Variants in NEB observed in about 807,000 individuals in gnomAD.
The protein encoded by NEB is nebulin.
NEB carries 512 observed loss-of-function variants against 952.2 expected under a neutral mutation model. The ratio of observed to expected loss-of-function variants is 0.54; its 90% confidence interval spans 0.50 to 0.58. The LOEUF is 0.58. NEB is among the 20% of genes least tolerant of loss of function. The pLI, the probability that NEB is intolerant of heterozygous loss-of-function variation, is 0.00. For synonymous variants in NEB, 2,900 were observed against 3,149.8 expected (o/e 0.92, Z 2.66); for missense variants, 8,428 against 9,231.1 (o/e 0.91, Z 3.56).
chr2:151,492,573 A>C, intron 176 of NEB, 79 bp from the exon 177 acceptor site: 1 of 1,096,608 alleles, frequency 9.1e-7, no homozygotes. Flanking sequence ...ATAGAGATGG[A>C]TAGGAGCTGG....
rs375164626 is a variant in NEB, at chr2:151,650,298, G to C, written c.7309C>G (p.Arg2437Gly). Residue 2437 changes from arginine (R) to glycine (G), a missense_variant, in exon 54 of 182, where the codon CGG (arginine) becomes GGG (glycine). Physicochemically the swap from Arg to Gly is moderately radical, Grantham distance 125 (BLOSUM62 -2). Around this residue, in one of 11 missense-constraint regions of NEB, gnomAD observed 1,772 missense variants for 1,960.3 expected, o/e 0.90. Coordinates refer to ENST00000397345, the MANE Select transcript of NEB (RefSeq NM_001164508.2). ...TTCTCACTGATGATTTCCGAAGCCC[G>C]CTTGTTCTTTTCTGCCTCTAAAGAA... ...LGSLEAEKNK[R>G]ASEIISEKKY... The C allele has an allele frequency of 1.9e-6, 3 of 1,613,680 alleles. No homozygotes were observed. In the African/African-American group the frequency reaches 4.0e-5, roughly 22 times the overall value.
chr2:151,492,612 C>T (rs1344411338), intron 176 of NEB, 118 bp from the exon 177 acceptor site: 28 of 619,488 alleles, frequency 4.5e-5, no homozygotes, highest in Non-Finnish European at 6.8e-5. Context: ...ACTGAAGGGG[C>T]CCAGTGAGAC....
chr2:151,578,635 AAGGGAAGG>A (rs981886362), intron 105 of NEB, among the ~76,000 whole-genome samples: 51 of 149,922 alleles, frequency 3.4e-4, no homozygotes, highest in Admixed American at 2.2e-3. Context: ...GCCACAGGGC[AAGGGAAGG>A]AGGGAAGGAG....
intron 46 of NEB, among the ~76,000 whole-genome samples, chr2:151,661,055 C>T (rs902609724): frequency 1.3e-5 from 2 of 151,788 alleles, no homozygotes; most frequent in African/African-American, 4.8e-5. Context: ...TAGTCCAGAC[C>T]CTGCTGTTGA....
intron 60 of NEB, 31 bp from the exon 61 acceptor site, chr2:151,640,697 G>A (rs770826114): frequency 1.3e-6 from 2 of 1,574,390 alleles, no homozygotes; most frequent in Non-Finnish European, 1.7e-6. Context: ...ATAGTCATCT[G>A]TTTTAACTTT....
At chr2:151,609,757 G>A in intron 81 of NEB, 52 bp downstream of exon 81, 1 of 1,517,496 alleles carries the variant, frequency 6.6e-7, no homozygotes, top group South Asian at 1.3e-5. Context: ...ACTGGGCAAT[G>A]AACAAATCTA....
At chr2:151,486,038 T>C in intron 181 of NEB, 105 bp from the exon 182 acceptor site, 1 of 1,181,386 alleles carries the variant, frequency 8.5e-7, no homozygotes, top group Non-Finnish European at 1.2e-6. Context: ...AAACTTAAGT[T>C]GAACAAAAGA....
intron 69 of NEB, 127 bp from the exon 70 acceptor site, chr2:151,627,332 C>T (rs1305821298): frequency 1.5e-6 from 2 of 1,361,268 alleles, no homozygotes; most frequent in Non-Finnish European, 9.9e-7. Context: ...TATATGAAGG[C>T]CAAATTGAAT....
chr2:151,531,542 C>G (rs553585911), intron 144 of NEB, among the ~76,000 whole-genome samples: 4 of 152,124 alleles, frequency 2.6e-5, no homozygotes, highest in Non-Finnish European at 4.4e-5. Context: ...GTCTCAAACT[C>G]GTGGCCTCAA....
rs1377275105 is a variant in NEB at position 151,561,040 on chromosome 2, A to G, written c.19170T>C (p.Tyr6390=). ...GATTCTTCAGGTTTCTGGTTCTGTC[A>G]TAATCCACTGTTTCTAGAACTGTTG... is the stretch of plus-strand genomic sequence containing the variant. The part of the protein sequence containing the change: ...KYTTVLETVD[Y]DRTRNLKNLY... The change falls in exon 123 of 182, where the codon TAT becomes TAC. Residue 6390 remains tyrosine (Y), a synonymous_variant. Coordinates refer to ENST00000397345, the MANE Select transcript of NEB (RefSeq NM_001164508.2). 9.3e-6 allele frequency: 15 copies of G among 1,609,840 alleles called. No individual in the cohort carries two copies. Among genetic ancestry groups the G allele is most frequent in the Non-Finnish European group, 1.3e-5 (15 of 1,177,452 alleles).
intron 58 of NEB, 53 bp downstream of exon 58, chr2:151,643,097 G>A (rs1028738682): frequency 5.6e-5 from 86 of 1,524,942 alleles, no homozygotes; most frequent in Non-Finnish European, 7.3e-5. Context: ...AGACTTCAGT[G>A]TTTCCATAAA....
intron 74 of NEB, 94 bp downstream of exon 74, chr2:151,618,181 C>A: frequency 8.8e-7 from 1 of 1,130,432 alleles, no homozygotes; most frequent in Non-Finnish European, 1.3e-6. Flanking sequence ...TATCATAATG[C>A]TTATTATTAT....
Position 151,684,869 on chromosome 2 carries a change from A to G in NEB, c.2744T>C (p.Val915Ala). ...AKKSQAIASD[V>A]DYKHILHSYS... The stretch of plus-strand genomic sequence containing the variant: ...ACTGTGTAAGATGTGCTTATAATCA[A>G]CGTCGCTGGCAATTGCCTGAGATTT... Residue 915 changes from valine to alanine, a missense_variant, in exon 28 of 182, where the codon GTT (valine) becomes GCT (alanine). Val to Ala is a moderately conservative substitution (Grantham distance 64). This residue lies in a region of NEB where 2,851 missense variants were observed against 2,791.5 expected (regional missense o/e 1.02). Transcript: ENST00000397345. 1 of 1,613,370 alleles carries G rather than the reference A, an allele frequency of 6.2e-7. No individual in the cohort carries two copies. The highest frequency in any genetic ancestry group is 1.3e-5 in the African/African-American group (1 of 75,044).
rs375580202 is a variant in NEB at position 151,509,158 on chromosome 2, C to CAACA, written c.23347-1053_23347-1050dup. Among the ~76,000 whole-genome samples the CAACA allele has an allele frequency of 3.6e-3, 552 of 152,228 alleles. 3 individuals carry two copies. The highest frequency in any genetic ancestry group is 0.012 in the African/African-American group (494 of 41,534). On this transcript the variant is annotated intron_variant, in intron 161 of 181. Coordinates refer to ENST00000397345, the MANE Select transcript of NEB (RefSeq NM_001164508.2). ...TTGAAATTTGTAATCTTGCCAGAGA[C>CAACA]AACAAACAAGCAGTTTCAGCCAATG...
At chr2:151,609,135 G>A (rs1336147900) in intron 81 of NEB, among the ~76,000 whole-genome samples, 1 of 151,416 alleles carries the variant, frequency 6.6e-6, no homozygotes, top group African/African-American at 2.4e-5. Context: ...TTTTTTAAGG[G>A]ATGGAGTGCA....
intron 12 of NEB, among the ~76,000 whole-genome samples, chr2:151,708,416 T>A (rs1391340111): frequency 6.6e-6 from 1 of 152,190 alleles, no homozygotes; most frequent in African/African-American, 2.4e-5. Context: ...GGTAAATCCA[T>A]TTCAGAGACA....
Position 151,664,807 on chromosome 2 carries a change from G to T in NEB, c.5295C>A (p.Asp1765Glu). ...KDKTTIHVMP[D>E]TPDILLSRVN... The stretch of plus-strand genomic sequence containing the variant: ...CTCTGGAGAGTAAAATATCCGGTGT[G>T]TCAGGCATGACATGAATGGTGGTCT... The change falls in exon 43 of 182, where the codon GAC (aspartate) becomes GAA (glutamate). Residue 1765 changes from aspartate to glutamate, a missense_variant. Coordinates refer to ENST00000397345, the MANE Select transcript of NEB (RefSeq NM_001164508.2). 1.2e-6 allele frequency: 2 copies of T among 1,613,114 alleles called. No individual in the cohort carries two copies. The highest frequency in any genetic ancestry group is 8.5e-7 in the Non-Finnish European group (1 of 1,179,440).
chr2:151,663,926 G>A (rs1331502917), intron 44 of NEB, 67 bp from the exon 45 acceptor site: 4 of 1,477,828 alleles, frequency 2.7e-6, no homozygotes, highest in Non-Finnish European at 3.7e-6. Flanking sequence ...TTTGCTAGGT[G>A]ATGTGAGCTT....
At chr2:151,669,571 C>T (rs905429032) in intron 38 of NEB, among the ~76,000 whole-genome samples, 1 of 151,956 alleles carries the variant, frequency 6.6e-6, no homozygotes, top group Admixed American at 6.6e-5. Context: ...GAAGAGCATT[C>T]GGGACCTGAG....
Sources: gnomAD v4.1 joint callset for allele counts (sites outside exome capture counted in the v4.1 genomes callset) on GRCh38, gnomAD v4.1.1 for gene constraint, gnomAD v4.1.1 regional missense constraint, MANE v1.5 for transcripts, NCBI Gene and HGNC (gene_info 2026-07-23, HGNC 2026-07-21) for gene names.